The following CEP95 variants were observed in gnomAD, a reference collection of about 807,000 sequenced individuals.
CEP95 encodes centrosomal protein of 95 kDa.
A neutral mutation model predicts 111.2 loss-of-function variants in CEP95; 98 were observed. The observed-to-expected ratio is 0.88, with a 90% CI of 0.75 to 1.04. The LOEUF (loss-of-function observed/expected upper bound fraction) is 1.04, where lower values mean the gene tolerates loss of function less well. Among genes scored for constraint, CEP95 ranks in the 50% least tolerant of loss-of-function variants. The pLI is 0.00. For missense variants in CEP95, 1,027 were observed against 977.2 expected (o/e 1.05, Z -0.68); for synonymous variants, 323 against 327.1 (o/e 0.99, Z 0.14).
intron 12 of CEP95, 30 bp from the exon 13 acceptor site, chr17:64,530,896 A>T (rs782757136): frequency 7.6e-7 from 1 of 1,311,148 alleles, no homozygotes; most frequent in African/African-American, 1.5e-5. Flanking sequence ...TGTTTTTAAT[A>T]ACTGTAATAT....
chr17:64,516,671 A>G, intron 4 of CEP95, 52 bp from the exon 5 acceptor site: 2 of 1,094,052 alleles, frequency 1.8e-6, no homozygotes, highest in South Asian at 2.9e-5. Flanking sequence ...ACATAGAAAA[A>G]GTAGTATTCA....
At chr17:64,519,498 G>A (rs1243987497) in intron 6 of CEP95, 62 bp downstream of exon 6, 1 of 1,201,330 alleles carries the variant, frequency 8.3e-7, no homozygotes, top group African/African-American at 1.5e-5. Context: ...AATGTAAATG[G>A]TATGTAGGAG....
intron 3 of CEP95, among the ~76,000 whole-genome samples, chr17:64,511,871 C>T (rs770537831): frequency 1.3e-5 from 2 of 152,210 alleles, no homozygotes; most frequent in African/African-American, 2.4e-5. Flanking sequence ...TCACAATCCA[C>T]GTTCTTCTGC....
chr17:64,518,470 G>GC (rs1555676925), intron 5 of CEP95, among the ~76,000 whole-genome samples: 1 of 152,172 alleles, frequency 6.6e-6, no homozygotes, highest in African/African-American at 2.4e-5. Context: ...ACCTTCATGA[G>GC]CCAGTATCAT....
Position 64,527,229 on chromosome 17 carries a change from G to A in CEP95, c.1271G>A (p.Gly424Asp), listed in dbSNP as rs781810930. ...TEETLSQHSD[G>D]IVEYGPKKSR... ...GAGACACTGTCTCAGCACAGTGATG[G>A]CATCGTGGAGTATGGGCCAAAGAAG... The change falls in exon 11 of 20, where the codon GGC becomes GAC. Residue 424 changes from glycine (G) to aspartate (D), a missense_variant. Gly to Asp is a moderately conservative substitution (Grantham distance 94). Coordinates refer to ENST00000556440, the MANE Select transcript of CEP95 (RefSeq NM_138363.3). 1.2e-6 allele frequency: 2 copies of A among 1,613,410 alleles called. No individual in the cohort carries two copies. Among genetic ancestry groups the A allele is most frequent in the Admixed American group, 3.3e-5 (2 of 59,952 alleles).
intron 7 of CEP95, among the ~76,000 whole-genome samples, chr17:64,522,269 TAAC>T (rs797036463): frequency 3.3e-5 from 5 of 152,314 alleles, no homozygotes; most frequent in African/African-American, 1.2e-4. Context: ...TCACATAACA[TAAC>T]ATTCTTCAAG....
intron 4 of CEP95, among the ~76,000 whole-genome samples, chr17:64,516,391 C>T (rs1325090603): frequency 1.3e-5 from 2 of 152,142 alleles, no homozygotes; most frequent in African/African-American, 2.4e-5. Flanking sequence ...GACACAATCA[C>T]GTTTTCTGTC....
chr17:64,516,604 C>A (rs554257740), intron 4 of CEP95, 119 bp from the exon 5 acceptor site: 68 of 501,172 alleles, frequency 1.4e-4, no homozygotes, highest in Non-Finnish European at 1.0e-4. Flanking sequence ...TCACTAGAAC[C>A]CTGTTTACCA....
upstream of CEP95, chr17:64,506,888 C>A: frequency 1.5e-6 from 1 of 653,304 alleles, no homozygotes; most frequent in Admixed American, 2.4e-5. Flanking sequence ...CAAACCGCCC[C>A]CGTTTCACGT....
rs1175299510 is a variant in CEP95, at chr17:64,530,881, G to T, written c.1447-45G>T. ...CAGCTAAGCCATGGTGCTGCCCGTT[G>T]TGTATGTTTTTAATAACTGTAATAT... On this transcript the variant is annotated intron_variant, in intron 12 of 19. Transcript: ENST00000556440. 2.6e-6 allele frequency: 3 copies of T among 1,143,804 alleles called. No individual in the cohort carries two copies. In the East Asian group the frequency reaches 7.9e-5, roughly 30 times the overall value. The allele number at this position is 1,143,804 out of a possible 1,614,324, so 70.9% of individuals were successfully genotyped here. A position where few individuals can be genotyped will look rare whatever the true frequency, so the allele number is the denominator to read the frequency against.
Position 64,521,864 on chromosome 17 carries a change from TTTA to T in CEP95, c.715+340_715+342del, listed in dbSNP as rs1212214384. Among the ~76,000 whole-genome samples, 11 of 152,240 alleles carry T rather than the reference TTTA, an allele frequency of 7.2e-5. No homozygotes were observed. In the East Asian group the frequency reaches 2.1e-3, roughly 29 times the overall value. On this transcript the variant is annotated intron_variant, in intron 7 of 19. Transcript: ENST00000556440. ...ATAGTAACTGGAAAAACATTCTTTT[TTTA>T]TTGTTTCGAGACAGAGTCTAGCTCT...
Position 64,522,754 on chromosome 17 carries a change from T to C in CEP95, c.768T>C (p.Pro256=), listed in dbSNP as rs1555678174. The C allele has an allele frequency of 2.5e-6, 4 of 1,613,776 alleles. No individual in the cohort carries two copies. The highest frequency in any genetic ancestry group is 1.1e-5 in the South Asian group (1 of 91,088). The stretch of plus-strand genomic sequence containing the variant: ...CAAATGCTAGGAAGCTAGGGGAGCC[T>C]ATCCGAGCAGCTATTCCTTTACATC... The part of the protein sequence containing the change: ...GIPNARKLGE[P]IRAAIPLHPP... The change falls in exon 8 of 20, where the codon CCT becomes CCC. Residue 256 remains proline, a synonymous_variant. Transcript: ENST00000556440.
chr17:64,537,277 C>T, intron 19 of CEP95, 165 bp downstream of exon 19: 1 of 1,391,502 alleles, frequency 7.2e-7, no homozygotes, highest in Non-Finnish European at 9.4e-7. Context: ...TTTTGCACAA[C>T]AACAAAATCA....
At chr17:64,527,850 T>A (rs1967949806) in intron 11 of CEP95, among the ~76,000 whole-genome samples, 1 of 139,736 alleles carries the variant, frequency 7.2e-6, no homozygotes, top group Non-Finnish European at 1.5e-5. Context: ...GTGTGCCACT[T>A]AATGTGTGTG....
rs1555681892 is a variant in CEP95, at chr17:64,537,607, T to C, written c.2294T>C (p.Leu765Ser). The C allele has an allele frequency of 6.3e-7, 1 of 1,595,518 alleles. No individual in the cohort carries two copies. The highest frequency in any genetic ancestry group is 8.6e-7 in the Non-Finnish European group (1 of 1,168,402). Reference sequence around the variant, plus strand: ...TGACATGCCTTCTTTTTTCAGACATTACATAAGGTGAAGAGGGAGCTGAGA... The same window carrying C: ...TGACATGCCTTCTTTTTTCAGACATCACATAAGGTGAAGAGGGAGCTGAGA... ...KAREKSQAQT[L>S]HKVKRELRSK... The change falls in exon 20 of 20, where the codon TTA becomes TCA. Residue 765 changes from leucine (L) to serine (S), a missense_variant. Leu to Ser is a moderately radical substitution (Grantham distance 145). Transcript: ENST00000556440.
chr17:64,527,870 G>A (rs183452568), intron 11 of CEP95, among the ~76,000 whole-genome samples: 10,412 of 112,272 alleles, frequency 0.093, 871 homozygotes, highest in African/African-American at 0.24. Flanking sequence ...GTGTGTGTGT[G>A]TATATATATA....
In CEP95 at chr17:64,516,717, G is replaced by C; in HGVS notation, c.368-6G>C. ...TTTTGGTATTGTTTTTATCTGTTCT[G>C]AACAGGTGAAACTGAACAGTATTTT... On this transcript the variant is annotated splice_region_variant and splice_polypyrimidine_tract_variant and intron_variant, in intron 4 of 19. Transcript: ENST00000556440. 1 of 1,576,996 alleles carries C rather than the reference G, an allele frequency of 6.3e-7. No homozygotes were observed. Among genetic ancestry groups the C allele is most frequent in the Non-Finnish European group, 8.7e-7 (1 of 1,147,880 alleles).
intron 7 of CEP95, 120 bp downstream of exon 7, chr17:64,521,647 C>G (rs775694690): frequency 1.7e-5 from 14 of 814,384 alleles, no homozygotes; most frequent in African/African-American, 1.8e-5. Context: ...CTTACATGAT[C>G]TTACTTGTAA....
rs1473770466 is a variant in CEP95, at chr17:64,531,763, GCTTA to G, written c.1540-124_1540-121del. 24 of 616,994 alleles carry G rather than the reference GCTTA, an allele frequency of 3.9e-5. No individual in the cohort carries two copies. The African/African-American group carries it at 4.2e-4, about 11-fold the overall frequency. 38.2% of individuals were successfully genotyped at this position (616,994 alleles called of 1,614,324 possible). A position where few individuals can be genotyped will look rare whatever the true frequency, so the allele number is the denominator to read the frequency against. ...TACAAATTTGAAGTAAGGTGGTTTGGCTTACTGTTAGCTAAAAAACTAAAAAACT... is the reference window on the plus strand; with the variant it reads ...TACAAATTTGAAGTAAGGTGGTTTGGCTGTTAGCTAAAAAACTAAAAAACT... On this transcript the variant is annotated intron_variant, in intron 13 of 19. Coordinates refer to ENST00000556440, the MANE Select transcript of CEP95 (RefSeq NM_138363.3).
Sources: allele counts gnomAD v4.1 joint callset (sites outside exome capture counted in the v4.1 genomes callset), GRCh38; gene constraint gnomAD v4.1.1; transcripts MANE v1.5; gene names NCBI Gene and HGNC (gene_info 2026-07-23, HGNC 2026-07-21).